The following FER variants were observed in gnomAD, a reference collection of about 807,000 sequenced individuals.
FER encodes the protein tyrosine-protein kinase Fer.
FER carries 63 observed loss-of-function variants against 111.0 expected under a neutral mutation model. That is an observed-to-expected ratio of 0.57 (90% CI 0.46 to 0.70). The LOEUF is 0.70. FER is among the 30% of genes least tolerant of loss of function. The pLI is 0.00. For synonymous variants in FER, 327 were observed against 313.9 expected, an observed-to-expected ratio of 1.04 and a Z score of -0.44; for missense variants, 914 against 954.0, an observed-to-expected ratio of 0.96 and a Z score of 0.55.
At chr5:109,058,695 A>G (rs13355279) in intron 16 of FER, among the ~76,000 whole-genome samples, 23,063 of 124,268 alleles carry the variant, frequency 0.19, 2,005 homozygotes, top group South Asian at 0.24. Flanking sequence ...ATTTTGTGCT[A>G]TCTTCTTTTT....
chr5:108,869,717 T>C (rs946573997), intron 6 of FER, among the ~76,000 whole-genome samples: 2 of 152,134 alleles, frequency 1.3e-5, no homozygotes, highest in Non-Finnish European at 2.9e-5. Context: ...AGATTAGGGA[T>C]AATATTTCTT....
chr5:108,815,407 A>G (rs1022662135), intron 3 of FER, among the ~76,000 whole-genome samples: 8 of 152,134 alleles, frequency 5.3e-5, no homozygotes, highest in African/African-American at 1.9e-4. Flanking sequence ...TAATCTGGGT[A>G]ACAGAGTTTG....
At chr5:109,137,828 C>A (rs962963666) in intron 17 of FER, among the ~76,000 whole-genome samples, 7 of 152,326 alleles carry the variant, frequency 4.6e-5, no homozygotes, top group Admixed American at 6.5e-5. Context: ...CCACTCCAAT[C>A]TTCAGAGCTT....
chr5:108,847,159 T>C (rs1314276607), intron 5 of FER, among the ~76,000 whole-genome samples: 1 of 151,398 alleles, frequency 6.6e-6, no homozygotes, highest in Non-Finnish European at 1.5e-5. Context: ...TTAAATACTT[T>C]TTTTTTTTGC....
At chr5:109,155,403 G>GT (rs1289932279) in intron 17 of FER, among the ~76,000 whole-genome samples, 1 of 151,940 alleles carries the variant, frequency 6.6e-6, no homozygotes, top group Non-Finnish European at 1.5e-5. Context: ...ACTTAGAAAA[G>GT]ATGTGATCAT....
Position 108,961,737 on chromosome 5 carries a change from TAG to T in FER, c.1656+2392_1656+2393del, listed in dbSNP as rs547113976. ...AAATCACAAAGCAGAAGCTTTGAGT[TAG>T]ATAATTTTCAACTATGAGTACATAA... On this transcript the variant is annotated intron_variant, in intron 13 of 19. Transcript: ENST00000281092. Among the ~76,000 whole-genome samples, 17 of 152,326 alleles carry T rather than the reference TAG, an allele frequency of 1.1e-4. No individual in the cohort carries two copies. In the South Asian group the frequency reaches 3.5e-3, roughly 32 times the overall value.
intron 4 of FER, among the ~76,000 whole-genome samples, chr5:108,835,011 C>T (rs1760465461): frequency 6.6e-6 from 1 of 152,076 alleles, no homozygotes; most frequent in African/African-American, 2.4e-5. Flanking sequence ...ATATTTTTTC[C>T]TTAAATTGCA....
chr5:109,025,404 T>G lies in FER; in HGVS notation c.1657-12018T>G, dbSNP rs1327329514. Among the ~76,000 whole-genome samples, 13 of 152,314 alleles carry G rather than the reference T, an allele frequency of 8.5e-5. No homozygotes were observed. In the South Asian group the frequency reaches 2.1e-3, roughly 24 times the overall value. ...GCAATTGTGAATGGGAGTTCACTCATGATTTGGCTCTCTGTTTGTCTGTTG... is the reference window on the plus strand; with the variant it reads ...GCAATTGTGAATGGGAGTTCACTCAGGATTTGGCTCTCTGTTTGTCTGTTG... On this transcript the variant is annotated intron_variant, in intron 13 of 19. Transcript: ENST00000281092.
At chr5:108,915,419 C>T (rs1752138416) in intron 10 of FER, among the ~76,000 whole-genome samples, 1 of 152,092 alleles carries the variant, frequency 6.6e-6, no homozygotes, top group African/African-American at 2.4e-5. Flanking sequence ...ATGCATGAGC[C>T]GAGATTGCCC....
intron 13 of FER, among the ~76,000 whole-genome samples, chr5:109,035,414 A>G (rs1438037187): frequency 1.3e-5 from 2 of 152,200 alleles, no homozygotes; most frequent in Non-Finnish European, 2.9e-5. Flanking sequence ...AAGTTTGTCT[A>G]GATTTATTAA....
At position 109,195,581 on chromosome 5, in the gene FER, G is replaced by C. The variant is rs1030785921; in HGVS notation, c.*8006G>C. On this transcript the variant is annotated 3_prime_UTR_variant, in exon 20 of 20. Coordinates refer to ENST00000281092, the MANE Select transcript of FER (RefSeq NM_005246.4). ...AATCACAGACAAAGGGGAACTGGTC[G>C]AGAGGGGTCTTAGTTATTTCAAATC... 3.9e-5 allele frequency: 6 copies of C among 152,160 alleles called. No homozygotes were observed. The highest frequency in any genetic ancestry group is 1.4e-4 in the African/African-American group (6 of 41,442). 9.4% of individuals were successfully genotyped at this position (152,160 alleles called of 1,614,324 possible).
At position 108,998,884 on chromosome 5, in the gene FER, C is replaced by T. The variant is rs934721305; in HGVS notation, c.1657-38538C>T. The stretch of plus-strand genomic sequence containing the variant: ...AATATTTTACTGAGGATTTTTGCCT[C>T]GATGTTAAAGTGATTTATATATGTT... On this transcript the variant is annotated intron_variant, in intron 13 of 19. Transcript: ENST00000281092. Among the ~76,000 whole-genome samples the T allele has an allele frequency of 3.9e-5, 6 of 152,046 alleles. No individual in the cohort carries two copies. In the South Asian group the frequency reaches 6.2e-4, roughly 16 times the overall value.
intron 9 of FER, among the ~76,000 whole-genome samples, chr5:108,885,700 A>G (rs1191465276): frequency 6.6e-6 from 1 of 151,748 alleles, no homozygotes; most frequent in Non-Finnish European, 1.5e-5. Context: ...TACCTTCCAA[A>G]GGCCCCCACC....
intron 16 of FER, chr5:109,051,625 G>A (rs532524372): frequency 3.1e-5 from 50 of 1,592,294 alleles, no homozygotes; most frequent in African/African-American, 1.1e-4. Flanking sequence ...AGACATAGGC[G>A]AGAGGGGAGC....
chr5:108,975,218 C>T (rs1167814636), intron 13 of FER, among the ~76,000 whole-genome samples: 2 of 151,988 alleles, frequency 1.3e-5, no homozygotes, highest in African/African-American at 4.8e-5. Flanking sequence ...CACATGGACA[C>T]CGGGAGGGGA....
At position 109,185,230 on chromosome 5, in the gene FER, G is replaced by T. The variant is rs7712986; in HGVS notation, c.2204-970G>T. On this transcript the variant is annotated intron_variant, in intron 18 of 19. Coordinates refer to ENST00000281092, the MANE Select transcript of FER (RefSeq NM_005246.4). ...AAATTCTTAGAGCTTAGCTCATGTA[G>T]CTCAGTAAAACAGGTGCACCTAGGT... Among the ~76,000 whole-genome samples the T allele has an allele frequency of 9.8e-3, 1,486 of 152,190 alleles. 27 individuals carry two copies. Among genetic ancestry groups the T allele is most frequent in the African/African-American group, 0.034 (1,399 of 41,520 alleles).
chr5:108,787,493 G>T (rs1174167842), intron 2 of FER, among the ~76,000 whole-genome samples: 1 of 152,196 alleles, frequency 6.6e-6, no homozygotes, highest in East Asian at 1.9e-4. Flanking sequence ...CCTGGGGGCT[G>T]GGCTGCCAGT....
chr5:109,023,764 T>G (rs1173815585), intron 13 of FER, among the ~76,000 whole-genome samples: 1 of 152,098 alleles, frequency 6.6e-6, no homozygotes, highest in Non-Finnish European at 1.5e-5. Flanking sequence ...ACAGTGCCTG[T>G]CACTTGATAG....
intron 17 of FER, among the ~76,000 whole-genome samples, chr5:109,104,348 C>T (rs1174316031): frequency 1.3e-5 from 2 of 152,120 alleles, no homozygotes; most frequent in Non-Finnish European, 2.9e-5. Flanking sequence ...AGTCACTGCC[C>T]TCAGATGGAT....
Sources: gnomAD v4.1 joint callset for allele counts (sites outside exome capture counted in the v4.1 genomes callset) on GRCh38, gnomAD v4.1.1 for gene constraint, MANE v1.5 for transcripts, NCBI Gene and HGNC (gene_info 2026-07-23, HGNC 2026-07-21) for gene names.